ADAM11: variants seen among roughly 807,000 people sequenced by gnomAD.
ADAM11 encodes disintegrin and metalloproteinase domain-containing protein 11.
ADAM11 carries 49 observed loss-of-function variants against 119.1 expected under a neutral mutation model. The observed-to-expected ratio is 0.41, with a 90% CI of 0.33 to 0.52. The LOEUF is 0.52. Ranked by LOEUF, ADAM11 falls within the 20% of genes least tolerant of loss-of-function variation. The pLI is 0.20. For missense variants in ADAM11, 777 were observed against 1,047.5 expected, an observed-to-expected ratio of 0.74 and a Z score of 3.56; for synonymous variants, 364 against 408.0, an observed-to-expected ratio of 0.89 and a Z score of 1.30.
chr17:44,777,714 GCGGAC>G lies in ADAM11; in HGVS notation c.1922_1926del (p.Ala641GlyfsTer3). 1 of 1,613,856 alleles carries G rather than the reference GCGGAC, an allele frequency of 6.2e-7. No individual in the cohort carries two copies. Among genetic ancestry groups the G allele is most frequent in the Non-Finnish European group, 8.5e-7 (1 of 1,179,862 alleles). On this transcript the variant is annotated frameshift_variant, in exon 23 of 27. Coordinates refer to ENST00000200557, the MANE Select transcript of ADAM11 (RefSeq NM_002390.6). LOFTEE classifies it high-confidence loss of function. This position sits in a 1 kb window ranked among gnomAD's most constrained non-coding sequence, Gnocchi z 5.1. ...CCCCAGGGGAGGCCACGTGCAGCTG[GCGGAC>G]GGCTCTGACCTGAGCTATGTGGAGG...
Position 44,773,286 on chromosome 17 carries a change from G to A in ADAM11, c.851G>A (p.Arg284His), listed in dbSNP as rs1020540419. 6.2e-6 allele frequency: 10 copies of A among 1,613,712 alleles called. No individual in the cohort carries two copies. The highest frequency in any genetic ancestry group is 2.2e-5 in the East Asian group (1 of 44,838). ...DVIYKEQLNTRIVLVAMETWA... is the reference protein window; with the variant it reads ...DVIYKEQLNTHIVLVAMETWA... ...ATATACAAGGAGCAGCTCAACACTC[G>A]CATCGTCCTGGTTGCCATGGAAACA... is the stretch of plus-strand genomic sequence containing the variant. Residue 284 changes from arginine (R) to histidine (H), a missense_variant, in exon 11 of 27, where the codon CGC (arginine) becomes CAC (histidine). Physicochemically the swap from Arg to His is conservative, Grantham distance 29. Transcript: ENST00000200557. This position sits in a 1 kb window ranked among gnomAD's most constrained non-coding sequence, Gnocchi z 4.6.
At position 44,775,475 on chromosome 17, in the gene ADAM11, G is replaced by T; in HGVS notation, c.1392+10G>T. 1 of 1,603,686 alleles carries T rather than the reference G, an allele frequency of 6.2e-7. No individual in the cohort carries two copies. The highest frequency in any genetic ancestry group is 8.5e-7 in the Non-Finnish European group (1 of 1,177,812). On this transcript the variant is annotated intron_variant, in intron 16 of 26. Transcript: ENST00000200557. This position sits in a 1 kb window ranked among gnomAD's most constrained non-coding sequence, Gnocchi z 7.5. ...CTGCGGCTCGGTGCAGGTGAGCGGT[G>T]GTGCGGGCGCCAGGTGGGGAACCGG...
intron 2 of ADAM11, among the ~76,000 whole-genome samples, chr17:44,764,559 G>A (rs2049425232): frequency 6.6e-6 from 1 of 152,138 alleles, no homozygotes; most frequent in East Asian, 1.9e-4. Context: ...GTGGGGGCAT[G>A]AACTGAGCTC....
rs1408620186 is a variant in ADAM11, at chr17:44,772,374, C to T, written c.611-25C>T. The T allele has an allele frequency of 1.9e-6, 3 of 1,579,556 alleles. No individual in the cohort carries two copies. The highest frequency in any genetic ancestry group is 2.6e-6 in the Non-Finnish European group (3 of 1,161,652). On this transcript the variant is annotated intron_variant, in intron 7 of 26. Coordinates refer to ENST00000200557, the MANE Select transcript of ADAM11 (RefSeq NM_002390.6). The surrounding 1 kb of genome is among the most constrained non-coding windows in gnomAD (Gnocchi z 4.5). The stretch of plus-strand genomic sequence containing the variant: ...GGGGGTGGGGAGGGGCCGGCTGTGC[C>T]CCCCTCACCTGCCCCTCCCCACAGG...
At chr17:44,770,195 G>A in intron 4 of ADAM11, 147 bp downstream of exon 4, 1 of 1,019,996 alleles carries the variant, frequency 9.8e-7, no homozygotes, top group South Asian at 1.5e-5. Context: ...TCCCGACCCA[G>A]GAGGCTCTGA....
Position 44,776,705 on chromosome 17 carries a change from C to A in ADAM11, c.1567-40C>A. ...CCCTGGGGCAGCCCTCAGCTCCAGT[C>A]CTGGGACTGCTCCGCTCAACCCCAC... On this transcript the variant is annotated intron_variant, in intron 18 of 26. Coordinates refer to ENST00000200557, the MANE Select transcript of ADAM11 (RefSeq NM_002390.6). The surrounding 1 kb of genome is among the most constrained non-coding windows in gnomAD (Gnocchi z 5.2). The A allele has an allele frequency of 1.2e-6, 2 of 1,611,594 alleles. No individual in the cohort carries two copies. The highest frequency in any genetic ancestry group is 1.7e-6 in the Non-Finnish European group (2 of 1,178,688).
chr17:44,772,609 C>A lies in ADAM11; in HGVS notation c.678+143C>A. The A allele has an allele frequency of 8.4e-7, 1 of 1,192,874 alleles. No individual in the cohort carries two copies. Among genetic ancestry groups the A allele is most frequent in the South Asian group, 1.5e-5 (1 of 66,264 alleles). The allele number at this position is 1,192,874 out of a possible 1,614,324, so 73.9% of individuals were successfully genotyped here. On this transcript the variant is annotated intron_variant, in intron 8 of 26. Coordinates refer to ENST00000200557, the MANE Select transcript of ADAM11 (RefSeq NM_002390.6). This position sits in a 1 kb window ranked among gnomAD's most constrained non-coding sequence, Gnocchi z 4.5. ...ATGGATGTGGCTGGGGGCCAGGGAC[C>A]GTGTCTGGGAGAAGCCCCCACCCCT...
In ADAM11 at chr17:44,773,684, T is replaced by C. The variant is rs1041849603; in HGVS notation, c.992+257T>C. Among the ~76,000 whole-genome samples, 1 of 152,138 alleles carries C rather than the reference T, an allele frequency of 6.6e-6. No homozygotes were observed. The highest frequency in any genetic ancestry group is 1.5e-5 in the Non-Finnish European group (1 of 68,034). ...TAGTTCTGTCTTTCCCCTTTCAAAC[T>C]GTCCCAGCATCCCTTCCTCAGGGAC... On this transcript the variant is annotated intron_variant, in intron 11 of 26. Coordinates refer to ENST00000200557, the MANE Select transcript of ADAM11 (RefSeq NM_002390.6). The surrounding 1 kb of genome is among the most constrained non-coding windows in gnomAD (Gnocchi z 4.6).
In ADAM11 at chr17:44,771,587, G is replaced by T. The variant is rs769852589; in HGVS notation, c.385G>T (p.Ala129Ser). ...REGTTQHSTG[A>S]GDHCYYQGKL... Reference sequence around the variant, plus strand: ...GCTCACTGTTCTGCTCCTTCAGGGGGCTGGAGACCACTGCTACTACCAGGG... The same window carrying T: ...GCTCACTGTTCTGCTCCTTCAGGGGTCTGGAGACCACTGCTACTACCAGGG... The change falls in exon 5 of 27, where the codon GCT (alanine) becomes TCT (serine). Residue 129 changes from alanine to serine, a missense_variant. Transcript: ENST00000200557. 3.1e-6 allele frequency: 5 copies of T among 1,611,316 alleles called. No homozygotes were observed. In the Admixed American group the frequency reaches 6.7e-5, roughly 22 times the overall value.
In ADAM11 at chr17:44,772,219, G is replaced by A. The variant is rs765324993; in HGVS notation, c.544-48G>A. On this transcript the variant is annotated intron_variant, in intron 6 of 26. Transcript: ENST00000200557. This position sits in a 1 kb window ranked among gnomAD's most constrained non-coding sequence, Gnocchi z 4.5. ...GATCTGGCCCCCGCCAAGTGGGCCT[G>A]GAGCAGGCCCAGTTGGCACCCCAAG... 3 of 1,552,264 alleles carry A rather than the reference G, an allele frequency of 1.9e-6. No individual in the cohort carries two copies. The highest frequency in any genetic ancestry group is 2.6e-6 in the Non-Finnish European group (3 of 1,138,040).
Position 44,779,737 on chromosome 17 carries a change from AG to A in ADAM11, c.2295del, listed in dbSNP as rs1371578274. Reference sequence around the variant, plus strand: ...TCCCCTGATGCCCCCTCTCCGTTCCAGGTCCGGAGGGGCCTAAGTGCCACCC... The same window carrying A: ...TCCCCTGATGCCCCCTCTCCGTTCCAGTCCGGAGGGGCCTAAGTGCCACCC... On this transcript the variant is annotated splice_acceptor_variant, in intron 26 of 26. Transcript: ENST00000200557. LOFTEE classifies it high-confidence loss of function. 6.3e-7 allele frequency: 1 copy of A among 1,596,616 alleles called. No individual in the cohort carries two copies. Among genetic ancestry groups the A allele is most frequent in the East Asian group, 2.2e-5 (1 of 44,716 alleles).
chr17:44,761,486 T>G lies in ADAM11; in HGVS notation c.237+1589T>G, dbSNP rs180800908. 4.5e-4 allele frequency among the ~76,000 whole-genome samples: 69 copies of G among 152,162 alleles called. 1 individual carries two copies. In the East Asian group the frequency reaches 0.011, roughly 24 times the overall value. ...GAACTGCTTGGGTTGGGGGTCTCTG[T>G]GTTGTTCTGCAGGTGAGTGAGTGCA... On this transcript the variant is annotated intron_variant, in intron 2 of 26. Coordinates refer to ENST00000200557, the MANE Select transcript of ADAM11 (RefSeq NM_002390.6).
In ADAM11 at chr17:44,772,586, G is replaced by A. The variant is rs1042564747; in HGVS notation, c.678+120G>A. On this transcript the variant is annotated intron_variant, in intron 8 of 26. Coordinates refer to ENST00000200557, the MANE Select transcript of ADAM11 (RefSeq NM_002390.6). This position sits in a 1 kb window ranked among gnomAD's most constrained non-coding sequence, Gnocchi z 4.5. The stretch of plus-strand genomic sequence containing the variant: ...GGCTGGGGCGAAGGAAGGCTCAGAT[G>A]GATGTGGCTGGGGGCCAGGGACCGT... The A allele has an allele frequency of 2.8e-5, 37 of 1,308,818 alleles. 1 individual carries two copies. In the African/African-American group the frequency reaches 3.9e-4, roughly 14 times the overall value. 81.1% of individuals were successfully genotyped at this position (1,308,818 alleles called of 1,614,324 possible).
Position 44,759,175 on chromosome 17 carries a change from C to T in ADAM11, c.-25C>T. The T allele has an allele frequency of 1.5e-6, 2 of 1,328,764 alleles. No individual in the cohort carries two copies. Among genetic ancestry groups the T allele is most frequent in the Non-Finnish European group, 1.9e-6 (2 of 1,038,794 alleles). 82.3% of individuals were successfully genotyped at this position (1,328,764 alleles called of 1,614,324 possible). ...CCCGCGCCGCTGGCAGCCGCAGCCC[C>T]CGGACCGGGAGGAATGAGCGAGCCA... On this transcript the variant is annotated 5_prime_UTR_variant, in exon 1 of 27. Transcript: ENST00000200557.
In ADAM11 at chr17:44,773,395, G is replaced by T; in HGVS notation, c.960G>T (p.Leu320=). 1 of 1,613,822 alleles carries T rather than the reference G, an allele frequency of 6.2e-7. No individual in the cohort carries two copies. The highest frequency in any genetic ancestry group is 1.1e-5 in the South Asian group (1 of 91,078). ...TCATGGTCTACCGACGGGAGGGTCT[G>T]CCTGAGCCCAGTGATGCCACCCACC... is the stretch of plus-strand genomic sequence containing the variant. ...ARLMVYRREG[L]PEPSDATHLF... is the part of the protein sequence containing the mutation. Residue 320 remains leucine (L), a synonymous_variant, in exon 11 of 27, where the codon CTG becomes CTT. Coordinates refer to ENST00000200557, the MANE Select transcript of ADAM11 (RefSeq NM_002390.6). The surrounding 1 kb of genome is among the most constrained non-coding windows in gnomAD (Gnocchi z 4.6).
chr17:44,771,607 C>T lies in ADAM11; in HGVS notation c.405C>T (p.Tyr135=). 1 of 1,611,920 alleles carries T rather than the reference C, an allele frequency of 6.2e-7. No individual in the cohort carries two copies. Among genetic ancestry groups the T allele is most frequent in the Non-Finnish European group, 8.5e-7 (1 of 1,179,538 alleles). ...HSTGAGDHCY[Y]QGKLRGNPHS... is the part of the protein sequence containing the mutation. The stretch of plus-strand genomic sequence containing the variant: ...AGGGGGCTGGAGACCACTGCTACTA[C>T]CAGGGGAAGCTCCGGGGGAACCCGC... Residue 135 remains tyrosine, a synonymous_variant, in exon 5 of 27, where the codon TAC becomes TAT. Transcript: ENST00000200557.
chr17:44,763,743 G>T (rs1177958171), intron 2 of ADAM11, among the ~76,000 whole-genome samples: 1 of 151,360 alleles, frequency 6.6e-6, no homozygotes, highest in South Asian at 2.1e-4. Context: ...TTAAGACAGA[G>T]TCTCACTCTG....
At chr17:44,770,130 C>A in intron 4 of ADAM11, 82 bp downstream of exon 4, 2 of 1,508,588 alleles carry the variant, frequency 1.3e-6, no homozygotes, top group Non-Finnish European at 1.8e-6. Flanking sequence ...GGTGTAGGGA[C>A]AGGTGGCCAC....
Position 44,776,139 on chromosome 17 carries a change from G to T in ADAM11, c.1498G>T (p.Gly500Cys). ...GTCTCTTCCCTAGTACGAACCACGGGGTGTGTCCTGCCGAGAGGCCGTGAA... is the reference window on the plus strand; with the variant it reads ...GTCTCTTCCCTAGTACGAACCACGGTGTGTGTCCTGCCGAGAGGCCGTGAA... ...CCRRCKYEPRGVSCREAVNEC... is the reference protein window; with the variant it reads ...CCRRCKYEPRCVSCREAVNEC... The change falls in exon 18 of 27, where the codon GGT (glycine) becomes TGT (cysteine). Residue 500 changes from glycine to cysteine, a missense_variant. This residue lies in a region of ADAM11 where 348 missense variants were observed against 486.7 expected (regional missense o/e 0.72). Coordinates refer to ENST00000200557, the MANE Select transcript of ADAM11 (RefSeq NM_002390.6). This position sits in a 1 kb window ranked among gnomAD's most constrained non-coding sequence, Gnocchi z 5.2. The T allele has an allele frequency of 6.2e-7, 1 of 1,613,684 alleles. No individual in the cohort carries two copies. Among genetic ancestry groups the T allele is most frequent in the Non-Finnish European group, 8.5e-7 (1 of 1,179,950 alleles).
Sources: allele counts gnomAD v4.1 joint callset (sites outside exome capture counted in the v4.1 genomes callset), GRCh38; gene constraint gnomAD v4.1.1; regional missense constraint gnomAD v4.1.1; non-coding constraint Gnocchi (gnomAD v3.1); transcripts MANE v1.5; gene names NCBI Gene and HGNC (gene_info 2026-07-23, HGNC 2026-07-21).